The following NLRP5 variants were observed in gnomAD, a reference collection of about 807,000 sequenced individuals.
The protein encoded by NLRP5 is NACHT, LRR and PYD domains-containing protein 5.
Under a neutral mutation model 113.1 loss-of-function variants are expected in NLRP5, and 93 were observed. The ratio of observed to expected loss-of-function variants is 0.82; its 90% CI spans 0.70 to 0.98. The LOEUF (loss-of-function observed/expected upper bound fraction) is 0.98. Ranked by LOEUF, NLRP5 falls within the 50% of genes least tolerant of loss-of-function variation. The pLI is 0.00. For synonymous variants in NLRP5, 751 were observed against 600.7 expected, an observed-to-expected ratio of 1.25 and a Z score of -3.66; for missense variants, 1,808 against 1,514.3, an observed-to-expected ratio of 1.19 and a Z score of -3.22.
At chr19:56,019,195 C>G (rs573450816) in intron 4 of NLRP5, 147 bp from the exon 5 acceptor site, 1 of 847,098 alleles carries the variant, frequency 1.2e-6, no homozygotes, top group Admixed American at 2.4e-5. Flanking sequence ...TACCAGTGCA[C>G]TCTGTCTTCT....
the NLRP5 span, chr19:55,987,858 C>G: frequency 6.2e-7 from 1 of 1,614,090 alleles, no homozygotes; most frequent in South Asian, 1.1e-5. Context: ...TCCCCAACTC[C>G]TCACCCACCC....
rs187101103 is a variant in NLRP5, at chr19:56,027,554, C to A, written c.1321C>A (p.Leu441Ile). Residue 441 changes from leucine (L) to isoleucine (I), a missense_variant, in exon 7 of 15, where the codon CTC becomes ATC. Coordinates refer to ENST00000390649, the MANE Select transcript of NLRP5 (RefSeq NM_153447.4). ...CTCCGGGGAACAAAGAATCCACTTG[C>A]TCCTTGAGCGCGGGATTGGTGAGCA... The A allele has an allele frequency of 6.2e-7, 1 of 1,614,012 alleles. No individual in the cohort carries two copies. The highest frequency in any genetic ancestry group is 8.5e-7 in the Non-Finnish European group (1 of 1,179,890).
chr19:56,056,320 G>A (rs1984149026), intron 13 of NLRP5, among the ~76,000 whole-genome samples: 1 of 151,890 alleles, frequency 6.6e-6, no homozygotes, highest in Non-Finnish European at 1.5e-5. Flanking sequence ...CACTATGGGA[G>A]GCTGAGGGGG....
intron 7 of NLRP5, among the ~76,000 whole-genome samples, chr19:56,030,054 C>CA (rs1555767784): frequency 2.0e-5 from 3 of 150,172 alleles, no homozygotes; most frequent in African/African-American, 7.3e-5. Flanking sequence ...GACTCCATCT[C>CA]AAAAAATAAA....
Position 56,045,373 on chromosome 19 carries a change from AAG to A in NLRP5, c.2957+4286_2957+4287del, listed in dbSNP as rs376488185. On this transcript the variant is annotated intron_variant, in intron 11 of 14. Coordinates refer to ENST00000390649, the MANE Select transcript of NLRP5 (RefSeq NM_153447.4). ...TGGGTGTGAGCGGGCTGAGTCTGAA[AAG>A]AGAGTCAGCGAAGGGTGATGGGATT... Among the ~76,000 whole-genome samples, 561 of 152,318 alleles carry A rather than the reference AAG, an allele frequency of 3.7e-3. 1 individual carries two copies. The highest frequency in any genetic ancestry group is 0.012 in the African/African-American group (501 of 41,564).
Position 56,027,821 on chromosome 19 carries a change from C to A in NLRP5, c.1588C>A (p.Arg530Ser). The A allele has an allele frequency of 6.2e-7, 1 of 1,613,976 alleles. No homozygotes were observed. Among genetic ancestry groups the A allele is most frequent in the Non-Finnish European group, 8.5e-7 (1 of 1,179,884 alleles). Residue 530 changes from arginine to serine, a missense_variant, in exon 7 of 15, where the codon CGC becomes AGC. Coordinates refer to ENST00000390649, the MANE Select transcript of NLRP5 (RefSeq NM_153447.4). The stretch of plus-strand genomic sequence containing the variant: ...TCTGGAGGAAAGAGTTGTCCTGAAG[C>A]GCTTCTGCCGTATGGCTGTGGAGGG...
rs1982965551 is a variant in NLRP5, at chr19:56,028,415, C to T, written c.2182C>T (p.Gln728Ter). 1.2e-6 allele frequency: 2 copies of T among 1,613,846 alleles called. No homozygotes were observed. The highest frequency in any genetic ancestry group is 1.7e-6 in the Non-Finnish European group (2 of 1,179,894). Residue 728 changes from glutamine (Q) to a stop codon, truncating the protein, a stop_gained, in exon 7 of 15, where the codon CAG becomes TAG. Transcript: ENST00000390649. LOFTEE classifies it high-confidence loss of function. ...CTTGATAGCATCTTCCTTCTGCCTC[C>T]AGCACTGTCCGTATTTGCGGAAAAT...
the NLRP5 span, among the ~76,000 whole-genome samples, chr19:55,990,750 G>A: frequency 2.0e-5 from 3 of 152,072 alleles, no homozygotes; most frequent in East Asian, 3.9e-4. Context: ...GCAGGAACCC[G>A]GGAGGCGGAG....
intron 6 of NLRP5, among the ~76,000 whole-genome samples, chr19:56,025,402 C>G (rs112521859): frequency 1.3e-5 from 2 of 151,764 alleles, no homozygotes; most frequent in Non-Finnish European, 2.9e-5. Context: ...CTCTCTCTCT[C>G]TCTGTCTCTC....
chr19:56,009,042 A>G (rs1196194040), intron 3 of NLRP5, among the ~76,000 whole-genome samples, 189 bp downstream of exon 3: 1 of 152,032 alleles, frequency 6.6e-6, no homozygotes, highest in Non-Finnish European at 1.5e-5. Flanking sequence ...CAAGTTGAAG[A>G]GTTCTGTGGC....
intron 9 of NLRP5, among the ~76,000 whole-genome samples, chr19:56,035,722 A>T (rs1027936581): frequency 2.0e-5 from 3 of 152,174 alleles, no homozygotes; most frequent in African/African-American, 7.2e-5. Context: ...TATTCCCGGA[A>T]CCTAGAACTG....
At chr19:55,987,750 T>C in the NLRP5 span, 1 of 1,203,420 alleles carries the variant, frequency 8.3e-7, no homozygotes, top group Non-Finnish European at 1.2e-6. Context: ...AAATGCAAGC[T>C]TAGGGAAGTC....
At position 56,003,798 on chromosome 19, in the gene NLRP5, TG is replaced by T; in HGVS notation, c.146del (p.Cys49LeufsTer24). 1.2e-6 allele frequency: 2 copies of T among 1,613,994 alleles called. No individual in the cohort carries two copies. Among genetic ancestry groups the T allele is most frequent in the Non-Finnish European group, 1.7e-6 (2 of 1,179,902 alleles). ...CCCCCAAAACCTGAGCTCTCAGCCT[TG>T]TATCAAGATGGAAGGAGACAAATCG... On this transcript the variant is annotated frameshift_variant, in exon 2 of 15. Transcript: ENST00000390649. LOFTEE classifies it high-confidence loss of function.
Position 56,027,541 on chromosome 19 carries a change from A to G in NLRP5, c.1308A>G (p.Gln436=), listed in dbSNP as rs769001542. The change falls in exon 7 of 15, where the codon CAA becomes CAG. Residue 436 remains glutamine, a synonymous_variant. Transcript: ENST00000390649. ...TAGTTAGAGGAATCTCCGGGGAACA[A>G]AGAATCCACTTGCTCCTTGAGCGCG... 1 of 1,613,998 alleles carries G rather than the reference A, an allele frequency of 6.2e-7. No individual in the cohort carries two copies. The highest frequency in any genetic ancestry group is 2.2e-5 in the East Asian group (1 of 44,882).
chr19:56,030,562 C>G (rs1281609744), intron 7 of NLRP5, among the ~76,000 whole-genome samples: 1 of 152,004 alleles, frequency 6.6e-6, no homozygotes, highest in Non-Finnish European at 1.5e-5. Flanking sequence ...CAAGAGGAGT[C>G]ACAGCCTGGG....
Position 56,015,807 on chromosome 19 carries a change from A to T in NLRP5, c.565+9A>T. On this transcript the variant is annotated intron_variant, in intron 4 of 14. Coordinates refer to ENST00000390649, the MANE Select transcript of NLRP5 (RefSeq NM_153447.4). ...AGAGACAAAAGAACAAGGTGAATGA[A>T]ATAGATCTATTCATTTGTTGCCCTC... 6.4e-7 allele frequency: 1 copy of T among 1,554,758 alleles called. No individual in the cohort carries two copies.
At position 56,061,603 on chromosome 19, in the gene NLRP5, G is replaced by C; in HGVS notation, c.*75G>C. The C allele has an allele frequency of 6.7e-7, 1 of 1,484,810 alleles. No homozygotes were observed. The highest frequency in any genetic ancestry group is 9.3e-7 in the Non-Finnish European group (1 of 1,072,630). 92.0% of individuals were successfully genotyped at this position (1,484,810 alleles called of 1,614,324 possible). A position where few individuals can be genotyped will look rare whatever the true frequency, so the allele number is the denominator to read the frequency against. On this transcript the variant is annotated 3_prime_UTR_variant, in exon 15 of 15. Coordinates refer to ENST00000390649, the MANE Select transcript of NLRP5 (RefSeq NM_153447.4). ...ACGCTGTTTTCTCAGAGCAAGCTAT[G>C]CACCTGGGAGTTCCTTCTCAAAGAT... is the stretch of plus-strand genomic sequence containing the variant.
chr19:56,016,310 C>T lies in NLRP5; in HGVS notation c.565+512C>T, dbSNP rs141144019. On this transcript the variant is annotated intron_variant, in intron 4 of 14. Transcript: ENST00000390649. The stretch of plus-strand genomic sequence containing the variant: ...CTGGGGCTACAGGCATGCACCACCA[C>T]GCCCAGCTAATTTTGTATTTTTAGT... Among the ~76,000 whole-genome samples, 13 of 151,940 alleles carry T rather than the reference C, an allele frequency of 8.6e-5. No individual in the cohort carries two copies. In the East Asian group the frequency reaches 1.2e-3, roughly 14 times the overall value.
intron 12 of NLRP5, among the ~76,000 whole-genome samples, chr19:56,052,980 C>T (rs1983987007): frequency 6.6e-6 from 1 of 152,330 alleles, no homozygotes; most frequent in South Asian, 2.1e-4. Context: ...GCCTGTAATC[C>T]CAGCTACTGG....
Sources: gnomAD v4.1 joint callset for allele counts (sites outside exome capture counted in the v4.1 genomes callset) on GRCh38, gnomAD v4.1.1 for gene constraint, MANE v1.5 for transcripts, NCBI Gene and HGNC (gene_info 2026-07-23, HGNC 2026-07-21) for gene names.